SPTA1: variants seen among roughly 807,000 people sequenced by gnomAD.
The protein encoded by SPTA1 is spectrin alpha, erythrocytic 1.
A neutral mutation model predicts 324.7 loss-of-function variants in SPTA1; 177 were observed. That is an observed-to-expected ratio of 0.55 (90% CI 0.48 to 0.62). The LOEUF (loss-of-function observed/expected upper bound fraction) is 0.62, where lower values mean the gene tolerates loss of function less well. Ranked by LOEUF, SPTA1 falls within the 20% of genes least tolerant of loss-of-function variation. The pLI, the probability that SPTA1 is intolerant of heterozygous loss-of-function variation, is 0.00. For missense variants in SPTA1, 3,162 were observed against 2,883.6 expected, an observed-to-expected ratio of 1.10 and a Z score of -2.21; for synonymous variants, 1,195 against 1,041.3, an observed-to-expected ratio of 1.15 and a Z score of -2.84.
intron 20 of SPTA1, among the ~76,000 whole-genome samples, chr1:158,655,092 A>G (rs1357109843): frequency 1.3e-5 from 2 of 152,172 alleles, no homozygotes; most frequent in African/African-American, 4.8e-5. Context: ...TATACACATC[A>G]ACATTTCAAA....
chr1:158,666,476 T>G lies in SPTA1; in HGVS notation c.2060A>C (p.Asn687Thr). Residue 687 changes from asparagine (N) to threonine (T), a missense_variant, in exon 16 of 52, where the codon AAC becomes ACC. Coordinates refer to ENST00000643759, the MANE Select transcript of SPTA1 (RefSeq NM_003126.4). ...ATTATTTTCAAATTGCAGCTGCTGG[T>G]TGGCCTCATGCAACTGGGTCCCTGG... Reference protein sequence around the residue: ...KQKGTQLHEANQQLQFENNAE... With the variant: ...KQKGTQLHEATQQLQFENNAE... The G allele has an allele frequency of 6.2e-7, 1 of 1,610,290 alleles. No individual in the cohort carries two copies. The highest frequency in any genetic ancestry group is 1.3e-5 in the African/African-American group (1 of 75,018).
chr1:158,642,657 A>G (rs779660486), intron 32 of SPTA1, 115 bp from the exon 33 acceptor site: 13 of 1,569,290 alleles, frequency 8.3e-6, no homozygotes, highest in Non-Finnish European at 1.1e-5. Flanking sequence ...GGTGACGGTG[A>G]CTTCTGAAGA....
intron 39 of SPTA1, among the ~76,000 whole-genome samples, chr1:158,630,778 A>C (rs1478129545): frequency 1.3e-5 from 2 of 152,038 alleles, no homozygotes; most frequent in Middle Eastern, 3.2e-3. Context: ...TAAGGAACTA[A>C]TATAACTCAA....
rs2101749905 is a variant in SPTA1 at position 158,615,367 on chromosome 1, G to A, written c.6637C>T (p.Leu2213=). The A allele has an allele frequency of 6.2e-7, 1 of 1,614,114 alleles. No homozygotes were observed. The highest frequency in any genetic ancestry group is 8.5e-7 in the Non-Finnish European group (1 of 1,180,002). ...QKEIQAMKRQ[L]TKIVDLGDNL... ...TCCCCCAGGTCCACAATCTTGGTTA[G>A]TTGACGCTTCATCGCCTGGATCTCC... Residue 2213 remains leucine (L), a synonymous_variant, in exon 48 of 52, where the codon CTA becomes TTA. Coordinates refer to ENST00000643759, the MANE Select transcript of SPTA1 (RefSeq NM_003126.4).
intron 47 of SPTA1, among the ~76,000 whole-genome samples, chr1:158,616,859 C>G (rs1312601235): frequency 6.6e-6 from 1 of 152,080 alleles, no homozygotes; most frequent in African/African-American, 2.4e-5. Flanking sequence ...AGTGGCTGTA[C>G]TATTTCCACT....
At chr1:158,664,555 G>A (rs1270544493) in intron 16 of SPTA1, among the ~76,000 whole-genome samples, 1 of 152,094 alleles carries the variant, frequency 6.6e-6, no homozygotes, top group Non-Finnish European at 1.5e-5. Flanking sequence ...TGCATGCAGG[G>A]CTTAAAATCT....
chr1:158,646,186 A>T (rs191105237), intron 27 of SPTA1, among the ~76,000 whole-genome samples: 143 of 152,302 alleles, frequency 9.4e-4, no homozygotes, highest in African/African-American at 3.2e-3. Flanking sequence ...TTTAGTAGTC[A>T]GGAAGTTAGA....
rs1653615634 is a variant in SPTA1, at chr1:158,666,513, A to T, written c.2039-16T>A. 1 of 1,603,748 alleles carries T rather than the reference A, an allele frequency of 6.2e-7. No individual in the cohort carries two copies. The highest frequency in any genetic ancestry group is 1.3e-5 in the African/African-American group (1 of 74,882). On this transcript the variant is annotated splice_polypyrimidine_tract_variant and intron_variant, in intron 15 of 51. Transcript: ENST00000643759. ...AACTGGGTCCCTGGGAGAAGACATAAGGTAGAAGACATTAGGTACCATAAC... is the reference window on the plus strand; with the variant it reads ...AACTGGGTCCCTGGGAGAAGACATATGGTAGAAGACATTAGGTACCATAAC...
At position 158,611,316 on chromosome 1, in the gene SPTA1, T is replaced by A. The variant is rs747697542; in HGVS notation, c.7208A>T (p.His2403Leu). 4 of 1,613,722 alleles carry A rather than the reference T, an allele frequency of 2.5e-6. No individual in the cohort carries two copies. The East Asian group carries it at 8.9e-5, about 36-fold the overall frequency. ...GCCAACGTAGTCATAGCCAGAGAGA[T>A]GGCTTCGACCCCGTGGGTCCATATA... ...QQYMDPRGRS[H>L]LSGYDYVGFT... The change falls in exon 52 of 52, where the codon CAT becomes CTT. Residue 2403 changes from histidine to leucine, a missense_variant. By Grantham distance (99) the His-to-Leu change is moderately conservative (BLOSUM62 -3). Transcript: ENST00000643759.
intron 50 of SPTA1, 30 bp from the exon 51 acceptor site, chr1:158,612,991 CT>C (rs1557917473): frequency 1.5e-5 from 24 of 1,612,448 alleles, no homozygotes; most frequent in Non-Finnish European, 2.0e-5. Flanking sequence ...GGAGCTGAGC[CT>C]TCTCAAGGCA....
chr1:158,645,305 C>T lies in SPTA1; in HGVS notation c.4077G>A (p.Gly1359=), dbSNP rs771826053. Residue 1359 remains glycine, a synonymous_variant, in exon 29 of 52, where the codon GGG becomes GGA. Coordinates refer to ENST00000643759, the MANE Select transcript of SPTA1 (RefSeq NM_003126.4). ...EDFSAELIDS[G]HHASPEIEKK... ...TTTCAATTTCAGGGCTAGCATGGTG[C>T]CCACTGTCGATAAGTTCTGCACTGA... The T allele has an allele frequency of 2.5e-6, 4 of 1,613,964 alleles. No homozygotes were observed. In the South Asian group the frequency reaches 4.4e-5, roughly 18 times the overall value.
Position 158,680,645 on chromosome 1 carries a change from C to A in SPTA1, c.616G>T (p.Glu206Ter). The A allele has an allele frequency of 6.2e-7, 1 of 1,613,918 alleles. No individual in the cohort carries two copies. The highest frequency in any genetic ancestry group is 2.2e-5 in the East Asian group (1 of 44,880). Residue 206 changes from glutamate (E) to a stop codon, truncating the protein, a stop_gained, in exon 5 of 52, where the codon GAG becomes TAG. Transcript: ENST00000643759. LOFTEE classifies it high-confidence loss of function. The part of the protein sequence containing the change: ...LHKKFEDFQV[E>*]LVAKEGRVVE... The stretch of plus-strand genomic sequence containing the variant: ...ACTCTCCCTTCTTTAGCTACCAGCT[C>A]CACTTGGAAGTCTTCAAATTTCTTA...
At chr1:158,630,623 A>G (rs1650607648) in intron 39 of SPTA1, among the ~76,000 whole-genome samples, 2 of 152,048 alleles carry the variant, frequency 1.3e-5, no homozygotes, top group South Asian at 2.1e-4. Flanking sequence ...GGCAACAAAA[A>G]GAAAAAATAA....
At chr1:158,671,583 G>GTAGAAAT in intron 11 of SPTA1, 130 bp from the exon 12 acceptor site, 1 of 735,266 alleles carries the variant, frequency 1.4e-6, no homozygotes, top group Non-Finnish European at 2.4e-6. Flanking sequence ...ATGATAATGG[G>GTAGAAAT]TAGAAATTAA....
chr1:158,631,594 A>C (rs1263059631), intron 39 of SPTA1, among the ~76,000 whole-genome samples: 1 of 152,192 alleles, frequency 6.6e-6, no homozygotes, highest in East Asian at 1.9e-4. Context: ...GTACCTAAAA[A>C]AGTATTGAAA....
intron 26 of SPTA1, 114 bp downstream of exon 26, chr1:158,648,395 C>T (rs1411427911): frequency 8.6e-5 from 126 of 1,458,654 alleles, no homozygotes; most frequent in Non-Finnish European, 1.2e-4. Context: ...TGGCACAGAA[C>T]AGAGAGAAAT....
intron 43 of SPTA1, among the ~76,000 whole-genome samples, chr1:158,621,900 G>C (rs1231426334): frequency 1.3e-5 from 2 of 152,146 alleles, no homozygotes; most frequent in Non-Finnish European, 2.9e-5. Flanking sequence ...GTCTTGCTCT[G>C]TCGCTCAGGC....
In SPTA1 at chr1:158,654,563, G is replaced by C. The variant is rs185483685; in HGVS notation, c.3036+48C>G. ...ATATCTGGCAGGATTGGGAGAGATG[G>C]TTCTGAAAGAGCCACTTTTTGATGG... On this transcript the variant is annotated intron_variant, in intron 21 of 51. Transcript: ENST00000643759. The C allele has an allele frequency of 5.0e-6, 8 of 1,613,236 alleles. 1 individual carries two copies. In the Admixed American group the frequency reaches 5.0e-5, roughly 10 times the overall value.
At chr1:158,646,251 T>C (rs536626825) in intron 27 of SPTA1, among the ~76,000 whole-genome samples, 1 of 145,754 alleles carries the variant, frequency 6.9e-6, no homozygotes, top group East Asian at 1.9e-4. Context: ...ATGCATTAAC[T>C]TTAAAGCATA....
Sources: allele counts gnomAD v4.1 joint callset (sites outside exome capture counted in the v4.1 genomes callset), GRCh38; gene constraint gnomAD v4.1.1; transcripts MANE v1.5; gene names NCBI Gene and HGNC (gene_info 2026-07-23, HGNC 2026-07-21).